The following IMMP2L variants were observed in gnomAD, a reference collection of about 807,000 sequenced individuals.
IMMP2L encodes mitochondrial inner membrane protease subunit 2.
Under a neutral mutation model 19.3 loss-of-function variants are expected in IMMP2L, and 18 were observed. The observed-to-expected ratio is 0.93, with a 90% CI of 0.64 to 1.38. The LOEUF (loss-of-function observed/expected upper bound fraction) is 1.38. Ranked by LOEUF, IMMP2L falls within the 40% of genes most tolerant of loss-of-function variation. The pLI is 0.00. For synonymous variants in IMMP2L, 76 were observed against 73.0 expected, an observed-to-expected ratio of 1.04 and a Z score of -0.21; for missense variants, 233 against 218.2, an observed-to-expected ratio of 1.07 and a Z score of -0.43.
chr7:111,456,194 A>T (rs1839659407), intron 3 of IMMP2L, among the ~76,000 whole-genome samples: 1 of 152,036 alleles, frequency 6.6e-6, no homozygotes, highest in South Asian at 2.1e-4. Context: ...GACTGAACTA[A>T]GGTTATTCAA....
At chr7:111,208,088 G>A (rs1481693580) in intron 3 of IMMP2L, among the ~76,000 whole-genome samples, 1 of 151,914 alleles carries the variant, frequency 6.6e-6, no homozygotes, top group Admixed American at 6.6e-5. Context: ...TCAGTCTTCA[G>A]TCAGGACCTA....
intron 3 of IMMP2L, among the ~76,000 whole-genome samples, chr7:111,051,523 A>G: frequency 6.6e-6 from 1 of 152,174 alleles, no homozygotes; most frequent in East Asian, 1.9e-4. Context: ...CTCTTTATAA[A>G]CAGAAGGCTG....
intron 4 of IMMP2L, among the ~76,000 whole-genome samples, chr7:110,961,302 A>G (rs1220990583): frequency 6.6e-6 from 1 of 151,918 alleles, no homozygotes; most frequent in Admixed American, 6.6e-5. Flanking sequence ...TAGTATTTGC[A>G]TATAACTATG....
rs76155904 is a variant in IMMP2L at position 111,308,059 on chromosome 7, T to G, written c.239+179179A>C. ...TATAGTTCAACTCAGTCTCTTAACTTACAACTATGCTTGTGCGTATCTGTC... is the reference window on the plus strand; with the variant it reads ...TATAGTTCAACTCAGTCTCTTAACTGACAACTATGCTTGTGCGTATCTGTC... On this transcript the variant is annotated intron_variant, in intron 3 of 5. Transcript: ENST00000405709. 8.2e-4 allele frequency among the ~76,000 whole-genome samples: 125 copies of G among 152,090 alleles called. 2 individuals carry two copies. In the East Asian group the frequency reaches 0.019, roughly 23 times the overall value.
chr7:111,552,407 C>A (rs1242498802), intron 1 of IMMP2L, among the ~76,000 whole-genome samples: 1 of 152,170 alleles, frequency 6.6e-6, no homozygotes, highest in Non-Finnish European at 1.5e-5. Context: ...CCTGCCTCAG[C>A]CTCCTGAGGA....
At chr7:111,533,594 T>C (rs1180038095) in intron 1 of IMMP2L, among the ~76,000 whole-genome samples, 1 of 152,148 alleles carries the variant, frequency 6.6e-6, no homozygotes, top group Non-Finnish European at 1.5e-5. Flanking sequence ...TCGACATTCA[T>C]ATTGGGAAGA....
intron 3 of IMMP2L, among the ~76,000 whole-genome samples, chr7:110,965,995 T>G (rs1481526127): frequency 6.6e-6 from 1 of 151,946 alleles, no homozygotes; most frequent in Non-Finnish European, 1.5e-5. Flanking sequence ...CATGGATAGT[T>G]AAAGCATTAC....
chr7:111,496,603 C>T (rs990881648), intron 2 of IMMP2L, among the ~76,000 whole-genome samples: 1 of 152,128 alleles, frequency 6.6e-6, no homozygotes, highest in Non-Finnish European at 1.5e-5. Flanking sequence ...TATTCTCTCT[C>T]GCTCTCTCTC....
chr7:111,437,755 A>G (rs1837326487), intron 3 of IMMP2L, among the ~76,000 whole-genome samples: 1 of 151,866 alleles, frequency 6.6e-6, no homozygotes, highest in Non-Finnish European at 1.5e-5. Flanking sequence ...ACTGGAATGT[A>G]AACTCCTTAA....
chr7:111,558,094 T>TA (rs1371689242), intron 1 of IMMP2L, among the ~76,000 whole-genome samples: 1 of 151,882 alleles, frequency 6.6e-6, no homozygotes, highest in East Asian at 1.9e-4. Context: ...ATTAAGAAGG[T>TA]AAGAGTTTCC....
intron 4 of IMMP2L, among the ~76,000 whole-genome samples, chr7:110,916,648 T>C (rs1813644987): frequency 1.3e-5 from 2 of 152,212 alleles, no homozygotes; most frequent in African/African-American, 4.8e-5. Context: ...AGAACCAAAG[T>C]CTGGCAGGAA....
At chr7:111,348,029 A>G (rs1827745626) in intron 3 of IMMP2L, among the ~76,000 whole-genome samples, 1 of 151,430 alleles carries the variant, frequency 6.6e-6, no homozygotes, top group East Asian at 2.0e-4. Flanking sequence ...TGAGCAAACT[A>G]TCGCAAGGAC....
At chr7:111,214,504 G>GTTT (rs71151836) in intron 3 of IMMP2L, among the ~76,000 whole-genome samples, 12 of 97,016 alleles carry the variant, frequency 1.2e-4, no homozygotes, top group South Asian at 4.8e-4. Context: ...CACCAAATCT[G>GTTT]TTTTTTTTTT....
chr7:110,834,994 G>T (rs1402764197), intron 5 of IMMP2L, among the ~76,000 whole-genome samples: 3 of 152,078 alleles, frequency 2.0e-5, no homozygotes, highest in African/African-American at 7.2e-5. Context: ...GCCAGGACAG[G>T]TGCCAGATGG....
At chr7:110,962,258 T>A (rs949427136) in intron 4 of IMMP2L, 1 of 151,956 alleles carries the variant, frequency 6.6e-6, no homozygotes, top group East Asian at 1.9e-4. Context: ...CTTTTATTTA[T>A]GTGGCCACTA....
chr7:111,288,719 T>A (rs141344109), intron 3 of IMMP2L, among the ~76,000 whole-genome samples: 2,027 of 152,204 alleles, frequency 0.013, 27 homozygotes, highest in Non-Finnish European at 0.017. Flanking sequence ...CACAATGAGA[T>A]ACCATCTCAC....
chr7:111,071,674 T>C (rs550676162), intron 3 of IMMP2L, among the ~76,000 whole-genome samples: 1 of 152,018 alleles, frequency 6.6e-6, no homozygotes, highest in African/African-American at 2.4e-5. Flanking sequence ...ATTTCTAGAA[T>C]AGGTAAATTC....
At chr7:111,380,831 G>C (rs1197639977) in intron 3 of IMMP2L, among the ~76,000 whole-genome samples, 1 of 151,920 alleles carries the variant, frequency 6.6e-6, no homozygotes, top group African/African-American at 2.4e-5. Context: ...GAAATACCAG[G>C]CATAAACTGC....
chr7:111,490,790 C>T (rs113613610), intron 2 of IMMP2L, among the ~76,000 whole-genome samples: 3,091 of 152,188 alleles, frequency 0.02, 106 homozygotes, highest in African/African-American at 0.071. Flanking sequence ...CCAATACCTA[C>T]GAAGTACTTA....
Sources: allele counts gnomAD v4.1 joint callset (sites outside exome capture counted in the v4.1 genomes callset), GRCh38; gene constraint gnomAD v4.1.1; transcripts MANE v1.5; gene names NCBI Gene and HGNC (gene_info 2026-07-23, HGNC 2026-07-21).